ZNF331: variants seen among roughly 807,000 people sequenced by gnomAD.
ZNF331 encodes the protein zinc finger protein 331, also known as C2H2-like zinc finger protein rearranged in thyroid adenomas.
Under a neutral mutation model 7.0 loss-of-function variants are expected in ZNF331, and 2 were observed. The observed-to-expected ratio is 0.29, with a 90% CI of 0.12 to 0.90. The LOEUF is 0.90. Among genes scored for constraint, ZNF331 ranks in the 40% least tolerant of loss-of-function variants. The probability of loss-of-function intolerance (pLI) is 0.58; values close to 1 mark genes in which losing one functional copy is unlikely to be tolerated. For synonymous variants in ZNF331, 196 were observed against 205.4 expected (o/e 0.95, Z 0.39); for missense variants, 432 against 587.7 (o/e 0.74, Z 2.74).
chr19:53,540,009 G>A (rs11672737), intron 2 of ZNF331, among the ~76,000 whole-genome samples: 10,968 of 152,280 alleles, frequency 0.072, 462 homozygotes, highest in South Asian at 0.16. Flanking sequence ...AAATGCTTCA[G>A]TTGCCTACAA....
the ZNF331 span, chr19:53,503,362 G>T: frequency 2.3e-6 from 1 of 431,688 alleles, no homozygotes; most frequent in South Asian, 2.1e-5. Flanking sequence ...TGTCTCTGAA[G>T]ATAAGTAGCA....
In ZNF331 at chr19:53,573,006, G is replaced by C; in HGVS notation, c.136+1276G>C. On this transcript the variant is annotated intron_variant, in intron 5 of 5. Transcript: ENST00000449416. This position sits in a 1 kb window ranked among gnomAD's most constrained non-coding sequence, Gnocchi z 4.2. ...GGCTGAGGTGGGCGGATCACTGGAG[G>C]TCAGGAGTTAGAGACCAGCCTGGCC... 6.6e-6 allele frequency among the ~76,000 whole-genome samples: 1 copy of C among 152,066 alleles called. No individual in the cohort carries two copies. The highest frequency in any genetic ancestry group is 1.9e-4 in the East Asian group (1 of 5,186).
chr19:53,506,230 G>A, the ZNF331 span, among the ~76,000 whole-genome samples: 2 of 129,688 alleles, frequency 1.5e-5, no homozygotes, highest in Non-Finnish European at 3.3e-5. Context: ...AGCTACTCGG[G>A]AGGCTGAGGC....
chr19:53,551,410 G>C (rs1188834006), intron 2 of ZNF331, among the ~76,000 whole-genome samples: 1 of 152,132 alleles, frequency 6.6e-6, no homozygotes, highest in Non-Finnish European at 1.5e-5. Context: ...CCAAATGGTA[G>C]TTTGTGAAAG....
At chr19:53,508,194 G>A in the ZNF331 span, among the ~76,000 whole-genome samples, 5 of 152,160 alleles carry the variant, frequency 3.3e-5, no homozygotes, top group East Asian at 1.9e-4. Context: ...ACTGCAGGCC[G>A]GGCTTGTGGT....
chr19:53,544,368 AC>A (rs2088430577), intron 2 of ZNF331, among the ~76,000 whole-genome samples: 1 of 150,470 alleles, frequency 6.6e-6, no homozygotes. Context: ...ACACGGTGAA[AC>A]CCCATCTCTA....
chr19:53,578,787 T>C lies in ZNF331; in HGVS notation c.*835T>C. 1 of 204,070 alleles carries C rather than the reference T, an allele frequency of 4.9e-6. No individual in the cohort carries two copies. The highest frequency in any genetic ancestry group is 1.0e-5 in the Non-Finnish European group (1 of 99,716). The allele number at this position is 204,070 out of a possible 1,614,324, so 12.6% of individuals were successfully genotyped here. On this transcript the variant is annotated 3_prime_UTR_variant, in exon 6 of 6. Coordinates refer to ENST00000449416, the MANE Select transcript of ZNF331 (RefSeq NM_001079906.2). ...ACAGTTTAACGTAAGGCTTCACTGA[T>C]CACTGTTGTTTTTGTTTTTGTTTTT...
chr19:53,516,672 T>C (rs1024348468), upstream of ZNF331, among the ~76,000 whole-genome samples: 1 of 152,122 alleles, frequency 6.6e-6, no homozygotes, highest in East Asian at 1.9e-4. Context: ...GTTACATCTG[T>C]AGTCCAGAGC....
chr19:53,503,779 T>C, the ZNF331 span: 4 of 700,056 alleles, frequency 5.7e-6, no homozygotes, highest in African/African-American at 1.8e-5. Context: ...CGCTGGCTCC[T>C]GTGTGTTCCT....
At position 53,546,140 on chromosome 19, in the gene ZNF331, GAAAA is replaced by G. The variant is rs527391326; in HGVS notation, c.-138+6876_-138+6879del. Among the ~76,000 whole-genome samples the G allele has an allele frequency of 1.0e-2, 1,132 of 113,494 alleles. 25 individuals carry two copies. Among genetic ancestry groups the G allele is most frequent in the African/African-American group, 0.031 (1,071 of 34,384 alleles). The allele number at this position is 113,494 out of a possible 152,430, so 74.5% of individuals were successfully genotyped here. A position where few individuals can be genotyped will look rare whatever the true frequency, so the allele number is the denominator to read the frequency against. On this transcript the variant is annotated intron_variant, in intron 2 of 5. Coordinates refer to ENST00000449416, the MANE Select transcript of ZNF331 (RefSeq NM_001079906.2). ...CCTTCAGAAAAAGCATCCTGAGGGG[GAAAA>G]AAAAAAAAAAAAAAAAATTATTATT...
intron 2 of ZNF331, among the ~76,000 whole-genome samples, chr19:53,547,726 A>C (rs1289283076): frequency 6.6e-6 from 1 of 152,142 alleles, no homozygotes; most frequent in Non-Finnish European, 1.5e-5. Flanking sequence ...TCTTACATGT[A>C]TGAGGTGATA....
chr19:53,520,851 A>G (rs116274315), upstream of ZNF331: 31 of 151,816 alleles, frequency 2.0e-4, 1 homozygote, highest in Admixed American at 1.3e-3. Context: ...GGAAATCCTG[A>G]CAGCCGCTTC....
upstream of ZNF331, among the ~76,000 whole-genome samples, chr19:53,535,161 G>A (rs1600237573): frequency 6.6e-6 from 1 of 151,896 alleles, no homozygotes; most frequent in Non-Finnish European, 1.5e-5. Context: ...AATGGTACAA[G>A]CTCGGCTCAC....
intron 2 of ZNF331, among the ~76,000 whole-genome samples, chr19:53,528,236 C>G (rs924523595): frequency 5.9e-5 from 9 of 152,138 alleles, no homozygotes; most frequent in Admixed American, 2.6e-4. Context: ...TTTGCTAATT[C>G]TGCTGATTCA....
chr19:53,568,461 G>A (rs1306067983), intron 3 of ZNF331, among the ~76,000 whole-genome samples: 1 of 152,096 alleles, frequency 6.6e-6, no homozygotes, highest in Non-Finnish European at 1.5e-5. Flanking sequence ...ACTGGTTGGT[G>A]GATTAACTGT....
At chr19:53,563,679 ATTG>A (rs1473684565) in intron 3 of ZNF331, 4 of 152,146 alleles carry the variant, frequency 2.6e-5, no homozygotes, top group Non-Finnish European at 4.4e-5. Flanking sequence ...ACATTAAATA[ATTG>A]TTGTGTATTA....
Position 53,576,443 on chromosome 19 carries a change from A to C in ZNF331, c.137-254A>C, listed in dbSNP as rs1023953443. 2.0e-5 allele frequency among the ~76,000 whole-genome samples: 3 copies of C among 152,294 alleles called. No homozygotes were observed. In the South Asian group the frequency reaches 6.2e-4, roughly 32 times the overall value. The stretch of plus-strand genomic sequence containing the variant: ...ACATCATCTACAAATACTTGTTTTC[A>C]TCTTCAAAATAGGAAATAATAGGAC... On this transcript the variant is annotated intron_variant, in intron 5 of 5. Transcript: ENST00000449416.
chr19:53,535,800 AC>A (rs1427829025), upstream of ZNF331, among the ~76,000 whole-genome samples: 2 of 147,778 alleles, frequency 1.4e-5, no homozygotes, highest in Non-Finnish European at 3.0e-5. Flanking sequence ...TAAAATGTTC[AC>A]TTTTTTTTTT....
chr19:53,546,470 T>C (rs963135370), intron 2 of ZNF331, among the ~76,000 whole-genome samples: 6 of 151,994 alleles, frequency 3.9e-5, no homozygotes, highest in African/African-American at 1.4e-4. Flanking sequence ...CACAAACCCA[T>C]TTGTCAAATT....
Sources: allele counts gnomAD v4.1 joint callset (sites outside exome capture counted in the v4.1 genomes callset), GRCh38; gene constraint gnomAD v4.1.1; non-coding constraint Gnocchi (gnomAD v3.1); transcripts MANE v1.5; gene names NCBI Gene and HGNC (gene_info 2026-07-23, HGNC 2026-07-21).